SEMA3E: variants seen among roughly 807,000 people sequenced by gnomAD.
SEMA3E encodes the protein semaphorin-3E.
SEMA3E carries 49 observed loss-of-function variants against 93.6 expected under a neutral mutation model. The observed-to-expected ratio is 0.52, with a 90% CI of 0.42 to 0.66. The LOEUF (loss-of-function observed/expected upper bound fraction) is 0.66. SEMA3E is among the 30% of genes least tolerant of loss of function. The pLI is 0.00. For synonymous variants in SEMA3E, 363 were observed against 330.7 expected (o/e 1.10, Z -1.06); for missense variants, 906 against 964.8 (o/e 0.94, Z 0.81).
At chr7:83,595,721 T>C (rs1157112491) in intron 1 of SEMA3E, among the ~76,000 whole-genome samples, 1 of 152,034 alleles carries the variant, frequency 6.6e-6, no homozygotes, top group Non-Finnish European at 1.5e-5. Context: ...CATAATTAGA[T>C]TGATGTAGTG....
chr7:83,461,781 C>T (rs1305655104), intron 4 of SEMA3E, among the ~76,000 whole-genome samples: 2 of 152,152 alleles, frequency 1.3e-5, no homozygotes, highest in Non-Finnish European at 2.9e-5. Flanking sequence ...TTTAATTAAC[C>T]TCGCCTTCAA....
intron 5 of SEMA3E, among the ~76,000 whole-genome samples, chr7:83,416,204 T>C (rs1788534997): frequency 6.6e-6 from 1 of 152,122 alleles, no homozygotes; most frequent in African/African-American, 2.4e-5. Flanking sequence ...ATTATATTTT[T>C]ATTTCTTCTC....
chr7:83,439,927 T>C (rs1429972373), intron 4 of SEMA3E, among the ~76,000 whole-genome samples: 1 of 152,192 alleles, frequency 6.6e-6, no homozygotes, highest in Non-Finnish European at 1.5e-5. Context: ...TGGAACCACA[T>C]GATCAGTGGT....
chr7:83,570,863 A>G (rs1346343466), intron 1 of SEMA3E, among the ~76,000 whole-genome samples: 3 of 149,284 alleles, frequency 2.0e-5, no homozygotes, highest in African/African-American at 7.3e-5. Context: ...ATAAAAAGCC[A>G]TTACAACTGA....
chr7:83,613,523 G>C (rs886293031), intron 1 of SEMA3E, among the ~76,000 whole-genome samples: 19 of 151,898 alleles, frequency 1.3e-4, no homozygotes, highest in Non-Finnish European at 2.4e-4. Context: ...TTTGCATAAA[G>C]AAATGGGCCT....
intron 1 of SEMA3E, among the ~76,000 whole-genome samples, chr7:83,574,645 C>T (rs1489164196): frequency 2.0e-5 from 3 of 152,148 alleles, no homozygotes; most frequent in East Asian, 3.9e-4. Flanking sequence ...CATGTCTGCT[C>T]TTGGGGTCCC....
At chr7:83,648,021 T>C (rs1156746436) in intron 1 of SEMA3E, among the ~76,000 whole-genome samples, 2 of 152,320 alleles carry the variant, frequency 1.3e-5, no homozygotes, top group East Asian at 3.9e-4. Flanking sequence ...CCTATTTCTA[T>C]AGCCCTTTCC....
intron 5 of SEMA3E, among the ~76,000 whole-genome samples, chr7:83,417,131 G>A (rs780865715): frequency 6.6e-6 from 1 of 151,380 alleles, no homozygotes; most frequent in Admixed American, 6.6e-5. Flanking sequence ...AGCCCCTGAA[G>A]AACTTAATTA....
At chr7:83,597,330 T>C (rs1792896767) in intron 1 of SEMA3E, among the ~76,000 whole-genome samples, 1 of 152,166 alleles carries the variant, frequency 6.6e-6, no homozygotes, top group South Asian at 2.1e-4. Flanking sequence ...TGTCAAAAAA[T>C]CTTGATACTC....
rs531740038 is a variant in SEMA3E at position 83,627,748 on chromosome 7, G to C, written c.115+20680C>G. Among the ~76,000 whole-genome samples the C allele has an allele frequency of 2.7e-5, 4 of 148,644 alleles. 1 individual carries two copies. Among genetic ancestry groups the C allele is most frequent in the African/African-American group, 1.0e-4 (4 of 40,122 alleles). Reference sequence around the variant, plus strand: ...ATAGGTCTCCTGAATACAGCACACTGATAGGTCTTGACTCTTTATTCAATT... The same window carrying C: ...ATAGGTCTCCTGAATACAGCACACTCATAGGTCTTGACTCTTTATTCAATT... On this transcript the variant is annotated intron_variant, in intron 1 of 16. Coordinates refer to ENST00000643230, the MANE Select transcript of SEMA3E (RefSeq NM_012431.3).
intron 16 of SEMA3E, among the ~76,000 whole-genome samples, chr7:83,368,514 G>A (rs978313572): frequency 1.2e-4 from 19 of 152,188 alleles, no homozygotes; most frequent in African/African-American, 4.3e-4. Context: ...GTTTCTACAA[G>A]GACCTCTCTT....
intron 1 of SEMA3E, among the ~76,000 whole-genome samples, chr7:83,503,010 C>CT (rs71522664): frequency 0.39 from 54,042 of 138,636 alleles, 11,002 homozygotes; most frequent in South Asian, 0.46. Flanking sequence ...TTCTTTCTCT[C>CT]TCTTTTTTTT....
chr7:83,600,471 C>T (rs1387815741), intron 1 of SEMA3E, among the ~76,000 whole-genome samples: 1 of 148,530 alleles, frequency 6.7e-6, no homozygotes, highest in South Asian at 2.2e-4. Flanking sequence ...AGGCGCCCGC[C>T]ACCACGCCCA....
chr7:83,397,601 T>C (rs923317172), intron 11 of SEMA3E, among the ~76,000 whole-genome samples: 11 of 152,148 alleles, frequency 7.2e-5, no homozygotes, highest in African/African-American at 2.7e-4. Flanking sequence ...TTAAAGTTTA[T>C]ACTCATATTT....
At position 83,477,100 on chromosome 7, in the gene SEMA3E, C is replaced by T. The variant is rs911060488; in HGVS notation, c.277-7798G>A. Reference sequence around the variant, plus strand: ...TATTGTTACAAGACGTTATGACACTCAGAGATTTAGGAGAGTGCAAACAAA... The same window carrying T: ...TATTGTTACAAGACGTTATGACACTTAGAGATTTAGGAGAGTGCAAACAAA... On this transcript the variant is annotated intron_variant, in intron 2 of 16. Transcript: ENST00000643230. Among the ~76,000 whole-genome samples the T allele has an allele frequency of 1.3e-5, 2 of 152,062 alleles. 1 individual carries two copies. The highest frequency in any genetic ancestry group is 1.3e-4 in the Admixed American group (2 of 15,268).
intron 4 of SEMA3E, chr7:83,424,912 C>A: frequency 7.2e-6 from 2 of 278,260 alleles, no homozygotes; most frequent in South Asian, 9.7e-5. Context: ...GAGGTGCTGT[C>A]AGCCTCTACC....
intron 1 of SEMA3E, among the ~76,000 whole-genome samples, chr7:83,604,818 C>T (rs116035399): frequency 0.01 from 1,581 of 151,992 alleles, 19 homozygotes; most frequent in African/African-American, 0.032. Context: ...TGGTGTGTGT[C>T]GTTCCCCTCC....
intron 4 of SEMA3E, among the ~76,000 whole-genome samples, chr7:83,462,415 C>T (rs2115863401): frequency 1.3e-5 from 2 of 152,214 alleles, no homozygotes; most frequent in South Asian, 4.1e-4. Flanking sequence ...GCCCAGTTCC[C>T]TTATTAGGCT....
At chr7:83,380,330 C>T (rs902977699) in intron 16 of SEMA3E, among the ~76,000 whole-genome samples, 1 of 151,810 alleles carries the variant, frequency 6.6e-6, no homozygotes, top group Non-Finnish European at 1.5e-5. Context: ...CCTAAATGTT[C>T]TTGACATTCT....
Sources: gnomAD v4.1 joint callset for allele counts (sites outside exome capture counted in the v4.1 genomes callset) on GRCh38, gnomAD v4.1.1 for gene constraint, MANE v1.5 for transcripts, NCBI Gene and HGNC (gene_info 2026-07-23, HGNC 2026-07-21) for gene names.